The following CCDC170 variants were observed in gnomAD, a reference collection of about 807,000 sequenced individuals.
The protein encoded by CCDC170 is coiled-coil domain containing 170, also known as coiled-coil domain-containing protein 170.
In CCDC170, 69 loss-of-function variants were observed where a neutral mutation model predicts 72.6. That is an observed-to-expected ratio of 0.95 (90% CI 0.78 to 1.16). The LOEUF (loss-of-function observed/expected upper bound fraction) is 1.16. Among genes scored for constraint, CCDC170 ranks in the 50% most tolerant of loss-of-function variants. The pLI is 0.00. For missense variants in CCDC170, 852 were observed against 832.5 expected (o/e 1.02, Z -0.29); for synonymous variants, 300 against 303.9 (o/e 0.99, Z 0.13).
chr6:151,569,777 C>T (rs1198363987), intron 5 of CCDC170, among the ~76,000 whole-genome samples: 1 of 152,182 alleles, frequency 6.6e-6, no homozygotes, highest in African/African-American at 2.4e-5. Flanking sequence ...CCCTGTGCCC[C>T]TGAATCCTGC....
chr6:151,505,854 T>C (rs1020051595), intron 1 of CCDC170, among the ~76,000 whole-genome samples: 1 of 152,180 alleles, frequency 6.6e-6, no homozygotes, highest in Non-Finnish European at 1.5e-5. Flanking sequence ...CCTAGCAGTT[T>C]GGGAGGCCAA....
chr6:151,551,676 G>A (rs1782880898), intron 5 of CCDC170, among the ~76,000 whole-genome samples: 1 of 152,150 alleles, frequency 6.6e-6, no homozygotes, highest in South Asian at 2.1e-4. Context: ...ACGTGGTAAG[G>A]ACCTGAGGCC....
intron 6 of CCDC170, among the ~76,000 whole-genome samples, chr6:151,577,776 A>G (rs1465046190): frequency 6.6e-6 from 1 of 152,214 alleles, no homozygotes; most frequent in African/African-American, 2.4e-5. Context: ...CTCCTGTCAG[A>G]TCAGCAGCGG....
intron 9 of CCDC170, among the ~76,000 whole-genome samples, chr6:151,608,792 G>A (rs1466194170): frequency 1.3e-5 from 2 of 152,180 alleles, no homozygotes; most frequent in Non-Finnish European, 2.9e-5. Flanking sequence ...CAGGCTCTGG[G>A]GAGCATGCAC....
chr6:151,538,294 A>G lies in CCDC170; in HGVS notation c.436A>G (p.Lys146Glu), dbSNP rs1329701316. The G allele has an allele frequency of 6.2e-7, 1 of 1,612,704 alleles. No individual in the cohort carries two copies. The highest frequency in any genetic ancestry group is 1.3e-5 in the African/African-American group (1 of 74,842). Residue 146 changes from lysine (K) to glutamate (E), a missense_variant, in exon 3 of 11, where the codon AAA becomes GAA. By Grantham distance (56) the Lys-to-Glu change is moderately conservative. Coordinates refer to ENST00000239374, the MANE Select transcript of CCDC170 (RefSeq NM_025059.4). ...LKKKVVELNE[K>E]LQKCSKENEE... ...GAAGAAAGTTGTAGAGTTAAATGAA[A>G]AATTACAGTAAGGATACTGCAATAT...
intron 1 of CCDC170, 56 bp from the exon 2 acceptor site, chr6:151,536,262 G>A: frequency 1.3e-6 from 2 of 1,595,796 alleles, no homozygotes; most frequent in South Asian, 1.1e-5. Context: ...CAGCTGCACG[G>A]AAAAGATCGT....
In CCDC170 at chr6:151,615,611, G is replaced by A. The variant is rs1776953080; in HGVS notation, c.1879G>A (p.Glu627Lys). 3 of 1,613,974 alleles carry A rather than the reference G, an allele frequency of 1.9e-6. No individual in the cohort carries two copies. Among genetic ancestry groups the A allele is most frequent in the Non-Finnish European group, 2.5e-6 (3 of 1,179,980 alleles). ...ENKERARNMI[E>K]VVTSEMKTLK... ...TAAAGAAAGGGCCAGAAACATGATA[G>A]AAGTGGTAACCAGTGAAATGAAGAC... Residue 627 changes from glutamate (E) to lysine (K), a missense_variant, in exon 10 of 11, where the codon GAA becomes AAA. Coordinates refer to ENST00000239374, the MANE Select transcript of CCDC170 (RefSeq NM_025059.4).
chr6:151,548,805 C>T (rs1412844089), intron 5 of CCDC170, among the ~76,000 whole-genome samples: 7 of 151,874 alleles, frequency 4.6e-5, no homozygotes, highest in South Asian at 2.1e-4. Flanking sequence ...CTGCAACTTC[C>T]GCCTCCCTGG....
chr6:151,538,353 T>C (rs753723643), intron 3 of CCDC170, 52 bp downstream of exon 3: 1 of 1,513,698 alleles, frequency 6.6e-7, no homozygotes, highest in Admixed American at 1.8e-5. Context: ...AAATACTAGC[T>C]TCTGATAGCA....
At chr6:151,534,573 A>T (rs9478212) in intron 1 of CCDC170, among the ~76,000 whole-genome samples, 16,060 of 152,156 alleles carry the variant, frequency 0.11, 2,837 homozygotes, top group African/African-American at 0.36. Context: ...CGACTATTGA[A>T]TGAGTCTGAA....
In CCDC170 at chr6:151,503,869, G is replaced by T. The variant is rs376623879; in HGVS notation, c.57+9684G>T. 3.2e-4 allele frequency among the ~76,000 whole-genome samples: 49 copies of T among 152,220 alleles called. No homozygotes were observed. The South Asian group carries it at 0.01, about 32-fold the overall frequency. On this transcript the variant is annotated intron_variant, in intron 1 of 10. Coordinates refer to ENST00000239374, the MANE Select transcript of CCDC170 (RefSeq NM_025059.4). Reference sequence around the variant, plus strand: ...GGCACTTTTGGCAATTGGATAAGAGGTGTGTTTTTCTCAGTGCATTGCAGA... The same window carrying T: ...GGCACTTTTGGCAATTGGATAAGAGTTGTGTTTTTCTCAGTGCATTGCAGA...
At chr6:151,581,169 A>G (rs1479201868) in intron 6 of CCDC170, among the ~76,000 whole-genome samples, 2 of 152,260 alleles carry the variant, frequency 1.3e-5, no homozygotes, top group East Asian at 3.9e-4. Flanking sequence ...GAAAACAACA[A>G]TTGACTCTTT....
intron 1 of CCDC170, among the ~76,000 whole-genome samples, chr6:151,510,747 T>TTC (rs1176572154): frequency 8.3e-6 from 1 of 121,022 alleles, no homozygotes. Flanking sequence ...TTTCTTCTTC[T>TTC]TTTTTTTTTA....
chr6:151,509,116 A>C (rs939323887), intron 1 of CCDC170, among the ~76,000 whole-genome samples: 4 of 152,172 alleles, frequency 2.6e-5, no homozygotes, highest in African/African-American at 9.7e-5. Flanking sequence ...TGAAGTGAAA[A>C]AAATCCCATT....
At chr6:151,550,608 C>G (rs551869937) in intron 5 of CCDC170, among the ~76,000 whole-genome samples, 3 of 152,292 alleles carry the variant, frequency 2.0e-5, no homozygotes, top group African/African-American at 7.2e-5. Flanking sequence ...TCATTGTCAG[C>G]TTGGGCTGCC....
In CCDC170 at chr6:151,617,973, G is replaced by T; in HGVS notation, c.1974G>T (p.Ser658=). 6.2e-7 allele frequency: 1 copy of T among 1,613,734 alleles called. No homozygotes were observed. The highest frequency in any genetic ancestry group is 1.3e-5 in the African/African-American group (1 of 75,020). The change falls in exon 11 of 11, where the codon TCG becomes TCT. Residue 658 remains serine (S), a synonymous_variant. Coordinates refer to ENST00000239374, the MANE Select transcript of CCDC170 (RefSeq NM_025059.4). ...KQLADFREVV[S]QMLGLNVTSL... is the part of the protein sequence containing the mutation. ...TGGCAGACTTCAGGGAGGTGGTGTC[G>T]CAGATGCTAGGCTTGAACGTGACCA...
At chr6:151,547,226 T>A (rs752656425) in intron 4 of CCDC170, among the ~76,000 whole-genome samples, 1 of 152,210 alleles carries the variant, frequency 6.6e-6, no homozygotes, top group African/African-American at 2.4e-5. Flanking sequence ...GCTTACTATA[T>A]GCTAGACACT....
chr6:151,553,496 G>A (rs1041507269), intron 5 of CCDC170, among the ~76,000 whole-genome samples: 1 of 151,998 alleles, frequency 6.6e-6, no homozygotes, highest in African/African-American at 2.4e-5. Context: ...GAGAGGAGGG[G>A]TTAAAAAAGA....
At chr6:151,563,949 C>T (rs922739389) in intron 5 of CCDC170, among the ~76,000 whole-genome samples, 2 of 152,172 alleles carry the variant, frequency 1.3e-5, no homozygotes, top group African/African-American at 4.8e-5. Flanking sequence ...TTCAGTTTTC[C>T]ATTCACATTT....
Sources: allele counts gnomAD v4.1 joint callset (sites outside exome capture counted in the v4.1 genomes callset), GRCh38; gene constraint gnomAD v4.1.1; transcripts MANE v1.5; gene names NCBI Gene and HGNC (gene_info 2026-07-23, HGNC 2026-07-21).